The following PARD3B variants were observed in gnomAD, a reference collection of about 807,000 sequenced individuals.
The protein encoded by PARD3B is partitioning defective 3 homolog B.
In PARD3B, 103 loss-of-function variants were observed where a neutral mutation model predicts 130.2. The ratio of observed to expected loss-of-function variants is 0.79; its 90% CI spans 0.67 to 0.93. The LOEUF (loss-of-function observed/expected upper bound fraction) is 0.93. Ranked by LOEUF, PARD3B falls within the 40% of genes least tolerant of loss-of-function variation. The probability of loss-of-function intolerance (pLI) is 0.00; values close to 1 mark genes in which losing one functional copy is unlikely to be tolerated. For missense variants in PARD3B, 1,609 were observed against 1,499.2 expected, an observed-to-expected ratio of 1.07 and a Z score of -1.21; for synonymous variants, 583 against 553.2, an observed-to-expected ratio of 1.05 and a Z score of -0.76.
chr2:204,747,534 C>G (rs912706673), intron 2 of PARD3B, among the ~76,000 whole-genome samples: 2 of 152,070 alleles, frequency 1.3e-5, no homozygotes, highest in Non-Finnish European at 2.9e-5. Flanking sequence ...TCAATGCCAT[C>G]CCCATCAAGC....
At chr2:205,581,743 A>T (rs2053998969) in intron 22 of PARD3B, among the ~76,000 whole-genome samples, 1 of 152,084 alleles carries the variant, frequency 6.6e-6, no homozygotes. Context: ...ATCTACTAGT[A>T]AAAACTAAAA....
intron 2 of PARD3B, among the ~76,000 whole-genome samples, chr2:204,775,174 C>T (rs188047347): frequency 7.2e-5 from 11 of 152,040 alleles, no homozygotes; most frequent in African/African-American, 2.2e-4. Flanking sequence ...TAACTTTGTT[C>T]GTAAATACGG....
In PARD3B at chr2:204,799,204, C is replaced by A. The variant is rs1173309741; in HGVS notation, c.222+112922C>A. On this transcript the variant is annotated intron_variant, in intron 2 of 22. Transcript: ENST00000406610. The surrounding 1 kb of genome is among the most constrained non-coding windows in gnomAD (Gnocchi z 4.1). ...ACAAGCTGCCTGAAAAGCCCATGGGCCTCGAGGGAACATCTGCAGTAGCCA... is the reference window on the plus strand; with the variant it reads ...ACAAGCTGCCTGAAAAGCCCATGGGACTCGAGGGAACATCTGCAGTAGCCA... 6.6e-6 allele frequency among the ~76,000 whole-genome samples: 1 copy of A among 152,084 alleles called. No homozygotes were observed. Among genetic ancestry groups the A allele is most frequent in the African/African-American group, 2.4e-5 (1 of 41,408 alleles).
chr2:204,736,164 A>G (rs1559101474), intron 2 of PARD3B, among the ~76,000 whole-genome samples: 1 of 147,384 alleles, frequency 6.8e-6, no homozygotes, highest in Non-Finnish European at 1.5e-5. Context: ...TATGAGTACT[A>G]TTTTTTTTTT....
chr2:205,301,391 A>G lies in PARD3B; in HGVS notation c.2393-73A>G, dbSNP rs1202892900. The G allele has an allele frequency of 1.3e-6, 2 of 1,540,696 alleles. No homozygotes were observed. The highest frequency in any genetic ancestry group is 1.7e-6 in the Non-Finnish European group (2 of 1,150,176). On this transcript the variant is annotated intron_variant, in intron 17 of 22. Coordinates refer to ENST00000406610, the MANE Select transcript of PARD3B (RefSeq NM_001302769.2). This position sits in a 1 kb window ranked among gnomAD's most constrained non-coding sequence, Gnocchi z 5.2. ...TGTTATTCATTCTTTTGCATTTTAC[A>G]TGTTAGCGTTTCTCTGTATACTAAC...
chr2:205,469,056 G>A (rs897984589), intron 20 of PARD3B, among the ~76,000 whole-genome samples: 1 of 150,978 alleles, frequency 6.6e-6, no homozygotes, highest in Non-Finnish European at 1.5e-5. Context: ...TGAGCTTTCT[G>A]TGTAGACTTC....
At chr2:205,381,024 ATATAT>A (rs368356554) in intron 18 of PARD3B, among the ~76,000 whole-genome samples, 1,651 of 27,410 alleles carry the variant, frequency 0.06, 233 homozygotes, top group East Asian at 0.21. Context: ...AATATATATG[ATATAT>A]TATATATAAA....
At chr2:204,911,183 G>A (rs1416601462) in intron 2 of PARD3B, among the ~76,000 whole-genome samples, 1 of 152,158 alleles carries the variant, frequency 6.6e-6, no homozygotes, top group Non-Finnish European at 1.5e-5. Context: ...AAATTAACAA[G>A]CAAGTGCACA....
In PARD3B at chr2:205,118,941, G is replaced by C. The variant is rs776945758; in HGVS notation, c.701G>C (p.Arg234Pro). ...LSGRILGLFI[R>P]GIEDNSRSKR... is the part of the protein sequence containing the mutation. Reference sequence around the variant, plus strand: ...TTTAGGATTCTAGGACTCTTCATCCGAGGCATTGAAGACAACAGCAGGTCC... The same window carrying C: ...TTTAGGATTCTAGGACTCTTCATCCCAGGCATTGAAGACAACAGCAGGTCC... Residue 234 changes from arginine to proline, a missense_variant, in exon 7 of 23, where the codon CGA becomes CCA. Transcript: ENST00000406610. The C allele has an allele frequency of 5.0e-6, 8 of 1,602,760 alleles. No individual in the cohort carries two copies. The Middle Eastern group carries it at 5.0e-4, about 99-fold the overall frequency.
At chr2:205,054,725 C>T (rs1010622325) in intron 4 of PARD3B, among the ~76,000 whole-genome samples, 1 of 151,704 alleles carries the variant, frequency 6.6e-6, no homozygotes, top group African/African-American at 2.4e-5. Context: ...CTTAGATGCC[C>T]AAGATTTCTG....
At chr2:205,213,306 A>G (rs886867435) in intron 15 of PARD3B, among the ~76,000 whole-genome samples, 1 of 152,084 alleles carries the variant, frequency 6.6e-6, no homozygotes, top group African/African-American at 2.4e-5. Flanking sequence ...TTGAGATACT[A>G]TATCTTAGCA....
At chr2:204,712,707 T>C (rs1188374056) in intron 2 of PARD3B, among the ~76,000 whole-genome samples, 2 of 151,752 alleles carry the variant, frequency 1.3e-5, no homozygotes, top group Non-Finnish European at 2.9e-5. Flanking sequence ...ACTAATATGA[T>C]TGATAGATAA....
intron 3 of PARD3B, among the ~76,000 whole-genome samples, chr2:205,039,417 C>T (rs1243085176): frequency 6.6e-6 from 1 of 152,014 alleles, no homozygotes; most frequent in Non-Finnish European, 1.5e-5. Flanking sequence ...CTTCCTTTTA[C>T]CTGTATCTTT....
chr2:205,008,986 G>C (rs529616783), intron 3 of PARD3B, among the ~76,000 whole-genome samples: 1 of 152,174 alleles, frequency 6.6e-6, no homozygotes, highest in South Asian at 2.1e-4. Flanking sequence ...GGAATTAAGA[G>C]GGAAAAATAA....
rs1054151954 is a variant in PARD3B at position 205,591,078 on chromosome 2, C to A, written c.3261-24378C>A. Among the ~76,000 whole-genome samples, 1 of 152,040 alleles carries A rather than the reference C, an allele frequency of 6.6e-6. No homozygotes were observed. Among genetic ancestry groups the A allele is most frequent in the African/African-American group, 2.4e-5 (1 of 41,402 alleles). Reference sequence around the variant, plus strand: ...TCCACGTGTCATTGTGTTTGTCTTTCCCTGAGAATGTGAATAATCCCAAGT... The same window carrying A: ...TCCACGTGTCATTGTGTTTGTCTTTACCTGAGAATGTGAATAATCCCAAGT... On this transcript the variant is annotated intron_variant, in intron 22 of 22. Coordinates refer to ENST00000406610, the MANE Select transcript of PARD3B (RefSeq NM_001302769.2). This position sits in a 1 kb window ranked among gnomAD's most constrained non-coding sequence, Gnocchi z 4.2.
intron 18 of PARD3B, among the ~76,000 whole-genome samples, chr2:205,380,997 A>ATATAT (rs1491183976): frequency 2.2e-5 from 2 of 92,378 alleles, no homozygotes; most frequent in Admixed American, 1.8e-4. Flanking sequence ...TATCTAAAGA[A>ATATAT]TATATATAAT....
At position 205,527,755 on chromosome 2, in the gene PARD3B, C is replaced by T. The variant is rs566820752; in HGVS notation, c.3181-25569C>T. On this transcript the variant is annotated intron_variant, in intron 21 of 22. Coordinates refer to ENST00000406610, the MANE Select transcript of PARD3B (RefSeq NM_001302769.2). ...ATAGAGAGTACATACCTGATAAATG[C>T]TTGTTGAATTGGGCAGCATTGTTTC... 2.0e-5 allele frequency among the ~76,000 whole-genome samples: 3 copies of T among 152,244 alleles called. No homozygotes were observed. The South Asian group carries it at 6.2e-4, about 32-fold the overall frequency.
chr2:205,398,959 C>T (rs1302467556), intron 18 of PARD3B, among the ~76,000 whole-genome samples: 1 of 152,094 alleles, frequency 6.6e-6, no homozygotes, highest in Non-Finnish European at 1.5e-5. Context: ...CCGGCCCATA[C>T]ATGTATAATT....
Position 205,468,223 on chromosome 2 carries a change from A to AGTT in PARD3B, c.3044+27551_3044+27552insGTT, listed in dbSNP as rs2048700457. Among the ~76,000 whole-genome samples the AGTT allele has an allele frequency of 2.6e-5, 4 of 152,332 alleles. No homozygotes were observed. In the East Asian group the frequency reaches 7.7e-4, roughly 29 times the overall value. On this transcript the variant is annotated intron_variant, in intron 20 of 22. Transcript: ENST00000406610. ...TCCACAGAAGGCTTCGACAACAACTAACTCAGGCACATGTGAGACCAAACT... is the reference window on the plus strand; with the variant it reads ...TCCACAGAAGGCTTCGACAACAACTAGTTACTCAGGCACATGTGAGACCAAACT...
Sources: gnomAD v4.1 joint callset for allele counts (sites outside exome capture counted in the v4.1 genomes callset) on GRCh38, gnomAD v4.1.1 for gene constraint, Gnocchi (gnomAD v3.1) non-coding constraint, MANE v1.5 for transcripts, NCBI Gene and HGNC (gene_info 2026-07-23, HGNC 2026-07-21) for gene names.